TACC1: variants seen among roughly 807,000 people sequenced by gnomAD.
TACC1 encodes transforming acidic coiled-coil containing protein 1, also known as transforming acidic coiled-coil-containing protein 1.
In TACC1, 48 loss-of-function variants were observed where a neutral mutation model predicts 84.4. The ratio of observed to expected loss-of-function variants is 0.57; its 90% CI spans 0.45 to 0.72. TACC1 has a LOEUF of 0.72. Among genes scored for constraint, TACC1 ranks in the 30% least tolerant of loss-of-function variants. The pLI is 0.00. For missense variants in TACC1, 920 were observed against 973.0 expected, an observed-to-expected ratio of 0.95 and a Z score of 0.72; for synonymous variants, 372 against 376.3, an observed-to-expected ratio of 0.99 and a Z score of 0.13.
In TACC1 at chr8:38,787,610, T is replaced by A; in HGVS notation, c.28T>A (p.Ser10Thr). MAFSPWQILSPVQWAKWTWS... is the reference protein window; with the variant it reads MAFSPWQILTPVQWAKWTWS... ...GGCGTTCAGCCCGTGGCAGATCCTGTCCCCCGTGCAGTGGGCGAAATGGAC... is the reference window on the plus strand; with the variant it reads ...GGCGTTCAGCCCGTGGCAGATCCTGACCCCCGTGCAGTGGGCGAAATGGAC... Residue 10 changes from serine (S) to threonine (T), a missense_variant, in exon 1 of 13, where the codon TCC (serine) becomes ACC (threonine). By Grantham distance (58) the Ser-to-Thr change is moderately conservative. Coordinates refer to ENST00000317827, the MANE Select transcript of TACC1 (RefSeq NM_006283.3). 1 of 1,544,712 alleles carries A rather than the reference T, an allele frequency of 6.5e-7. No homozygotes were observed. The highest frequency in any genetic ancestry group is 8.7e-7 in the Non-Finnish European group (1 of 1,143,998).
At chr8:38,813,416 C>G (rs1824698458) in intron 2 of TACC1, among the ~76,000 whole-genome samples, 1 of 152,158 alleles carries the variant, frequency 6.6e-6, no homozygotes, top group Non-Finnish European at 1.5e-5. Context: ...AGACTGATGT[C>G]TTGGTTCAAT....
Position 38,787,248 on chromosome 8 carries a change from C to T in TACC1, c.-335C>T, listed in dbSNP as rs553394193. 1.9e-4 allele frequency: 197 copies of T among 1,023,908 alleles called. No homozygotes were observed. In the Middle Eastern group the frequency reaches 2.8e-3, roughly 14 times the overall value. 63.4% of individuals were successfully genotyped at this position (1,023,908 alleles called of 1,614,324 possible). A position where few individuals can be genotyped will look rare whatever the true frequency, so the allele number is the denominator to read the frequency against. On this transcript the variant is annotated 5_prime_UTR_variant, in exon 1 of 13. Transcript: ENST00000317827. Reference sequence around the variant, plus strand: ...GGCCGGGAGGCGGGAGTCCGCGAGCCGGGAGCGGGAGCAGCAGAGGTCTAG... The same window carrying T: ...GGCCGGGAGGCGGGAGTCCGCGAGCTGGGAGCGGGAGCAGCAGAGGTCTAG...
intron 3 of TACC1, among the ~76,000 whole-genome samples, chr8:38,773,613 T>TCTAGCTATGTATCTAG (rs1563382693): frequency 6.6e-6 from 1 of 151,222 alleles, no homozygotes. Flanking sequence ...TAGCTATCTA[T>TCTAGCTATGTATCTAG]CTAGCTATCT....
chr8:38,757,510 G>C, intron 3 of TACC1: 1 of 1,085,560 alleles, frequency 9.2e-7, no homozygotes, highest in Middle Eastern at 4.1e-4. Flanking sequence ...GGGAAGGTGG[G>C]GTTCCCGCTG....
At chr8:38,757,366 C>T (rs1213674938) in intron 3 of TACC1, 18 of 1,263,778 alleles carry the variant, frequency 1.4e-5, no homozygotes, top group Non-Finnish European at 1.8e-5. Context: ...CCCGAGGGGC[C>T]GGGAACCCGC....
At chr8:38,806,388 G>C (rs545569178) in intron 2 of TACC1, among the ~76,000 whole-genome samples, 1 of 152,110 alleles carries the variant, frequency 6.6e-6, no homozygotes, top group East Asian at 1.9e-4. Flanking sequence ...TTGGATGAAC[G>C]AAGATAGCTC....
chr8:38,745,551 T>G, intron 3 of TACC1: 1 of 672,244 alleles, frequency 1.5e-6, no homozygotes, highest in Non-Finnish European at 2.7e-6. Flanking sequence ...TTGTTTTTGT[T>G]TTTGTTTTTT....
chr8:38,793,460 A>G (rs1223304185), intron 2 of TACC1, among the ~76,000 whole-genome samples: 4 of 152,196 alleles, frequency 2.6e-5, no homozygotes, highest in South Asian at 4.1e-4. Context: ...GGGCCCATCA[A>G]TGGTCACACG....
intron 3 of TACC1, among the ~76,000 whole-genome samples, chr8:38,754,937 C>T (rs1039416601): frequency 8.5e-5 from 13 of 152,230 alleles, no homozygotes; most frequent in African/African-American, 2.2e-4. Flanking sequence ...CCGAGGCAGG[C>T]GGATCACAAG....
chr8:38,835,060 T>C lies in TACC1; in HGVS notation c.1714-1102T>C, dbSNP rs189651983. Among the ~76,000 whole-genome samples, 772 of 152,232 alleles carry C rather than the reference T, an allele frequency of 5.1e-3. 9 individuals carry two copies. Among genetic ancestry groups the C allele is most frequent in the African/African-American group, 0.018 (728 of 41,528 alleles). ...CAAGGTCAGGAGATTGAGACCATCC[T>C]GGCTAACACGGTGAAACCCCGTCTC... On this transcript the variant is annotated intron_variant, in intron 6 of 12. Transcript: ENST00000317827.
chr8:38,801,907 T>C (rs1385310912), intron 2 of TACC1, among the ~76,000 whole-genome samples: 1 of 152,144 alleles, frequency 6.6e-6, no homozygotes, highest in Non-Finnish European at 1.5e-5. Context: ...CAATGTTTTT[T>C]GTTGTTGTTG....
intron 2 of TACC1, among the ~76,000 whole-genome samples, chr8:38,800,950 T>G (rs1371919869): frequency 6.6e-6 from 1 of 152,228 alleles, no homozygotes; most frequent in Non-Finnish European, 1.5e-5. Context: ...CCAGTAGGTG[T>G]GGAGTAGTTT....
At chr8:38,767,568 C>A (rs1362139459) in intron 3 of TACC1, among the ~76,000 whole-genome samples, 1 of 152,198 alleles carries the variant, frequency 6.6e-6, no homozygotes, top group African/African-American at 2.4e-5. Context: ...GCTTCTTTTA[C>A]CTGTTTTCCA....
At chr8:38,758,428 A>C (rs1020529254) in intron 3 of TACC1, among the ~76,000 whole-genome samples, 2 of 152,186 alleles carry the variant, frequency 1.3e-5, no homozygotes, top group African/African-American at 2.4e-5. Flanking sequence ...CTGTAATCCC[A>C]GCACTTTGGG....
chr8:38,829,958 G>A (rs907138315), intron 5 of TACC1, among the ~76,000 whole-genome samples: 11 of 152,172 alleles, frequency 7.2e-5, no homozygotes, highest in Non-Finnish European at 1.5e-4. Flanking sequence ...TGTTCTCCAG[G>A]AAATGAGATT....
chr8:38,833,419 C>T (rs1488780582), intron 6 of TACC1, among the ~76,000 whole-genome samples: 1 of 152,168 alleles, frequency 6.6e-6, no homozygotes, highest in Non-Finnish European at 1.5e-5. Context: ...GAAAAGATGG[C>T]TAAAGTAGGC....
rs778594616 is a variant in TACC1, at chr8:38,838,525, G to A, written c.1895G>A (p.Arg632Gln). ...NEWKKKYEET[R>Q]QEVLEMRKIV... ...TGGAAGAAGAAATACGAAGAGACCC[G>A]GCAAGAAGTTTTGGAGATGAGGTTA... is the stretch of plus-strand genomic sequence containing the variant. The change falls in exon 8 of 13, where the codon CGG (arginine) becomes CAG (glutamine). Residue 632 changes from arginine (R) to glutamine (Q), a missense_variant. Arg to Gln is a conservative substitution (Grantham distance 43). This residue lies in a region of TACC1 where 158 missense variants were observed against 225.6 expected (regional missense o/e 0.70). Coordinates refer to ENST00000317827, the MANE Select transcript of TACC1 (RefSeq NM_006283.3). The A allele has an allele frequency of 5.0e-6, 8 of 1,613,878 alleles. No homozygotes were observed. Among genetic ancestry groups the A allele is most frequent in the Non-Finnish European group, 2.5e-6 (3 of 1,179,832 alleles).
chr8:38,840,272 G>A lies in TACC1; in HGVS notation c.1960+5G>A. The A allele has an allele frequency of 1.9e-6, 3 of 1,612,708 alleles. No individual in the cohort carries two copies. Among genetic ancestry groups the A allele is most frequent in the African/African-American group, 2.7e-5 (2 of 74,998 alleles). ...AGACTATTGCTCAAATGATTGGTAA[G>A]GAGAACATTTTGTTTTTTGAGGGTA... On this transcript the variant is annotated splice_donor_5th_base_variant and intron_variant, in intron 9 of 12. Coordinates refer to ENST00000317827, the MANE Select transcript of TACC1 (RefSeq NM_006283.3).
chr8:38,749,164 T>A (rs1371968554), intron 3 of TACC1, among the ~76,000 whole-genome samples: 1 of 152,206 alleles, frequency 6.6e-6, no homozygotes, highest in East Asian at 1.9e-4. Flanking sequence ...TGACATTAAA[T>A]GTGTCACAGA....
Sources: allele counts gnomAD v4.1 joint callset (sites outside exome capture counted in the v4.1 genomes callset), GRCh38; gene constraint gnomAD v4.1.1; regional missense constraint gnomAD v4.1.1; transcripts MANE v1.5; gene names NCBI Gene and HGNC (gene_info 2026-07-23, HGNC 2026-07-21).